Variants in MOK observed in about 807,000 individuals in gnomAD.
The protein encoded by MOK is MOK protein kinase.
Under a neutral mutation model 54.2 loss-of-function variants are expected in MOK, and 59 were observed. That is an observed-to-expected ratio of 1.09 (90% CI 0.88 to 1.35). The LOEUF is 1.35. Among genes scored for constraint, MOK ranks in the 40% most tolerant of loss-of-function variants. The pLI, the probability that MOK is intolerant of heterozygous loss-of-function variation, is 0.00. For synonymous variants in MOK, 210 were observed against 202.7 expected, an observed-to-expected ratio of 1.04 and a Z score of -0.31; for missense variants, 517 against 526.2, an observed-to-expected ratio of 0.98 and a Z score of 0.17.
intron 1 of MOK, among the ~76,000 whole-genome samples, chr14:102,296,732 C>T (rs1413322911): frequency 1.3e-5 from 2 of 152,028 alleles, no homozygotes; most frequent in Non-Finnish European, 2.9e-5. Context: ...CCAGTCTAGG[C>T]AACATGGTGA....
downstream of MOK, chr14:102,224,809 A>G (rs981183162): frequency 3.1e-5 from 14 of 455,956 alleles, no homozygotes; most frequent in Admixed American, 3.3e-4. Context: ...AAAGAGAAAT[A>G]ATAAAAGACA....
At chr14:102,253,195 T>C (rs955636858) in intron 4 of MOK, among the ~76,000 whole-genome samples, 6 of 152,236 alleles carry the variant, frequency 3.9e-5, no homozygotes, top group Admixed American at 6.5e-5. Flanking sequence ...AGTGGAAATG[T>C]AGTAATTGTA....
intron 4 of MOK, among the ~76,000 whole-genome samples, chr14:102,262,348 T>A (rs534776783): frequency 6.6e-6 from 1 of 152,216 alleles, no homozygotes. Flanking sequence ...AGACAGGGTT[T>A]CACCTTGTTA....
At chr14:102,275,853 G>C (rs903648462) in intron 2 of MOK, among the ~76,000 whole-genome samples, 77 of 152,192 alleles carry the variant, frequency 5.1e-4, no homozygotes, top group African/African-American at 1.8e-3. Flanking sequence ...CTTCTATACA[G>C]AATATATAAA....
intron 2 of MOK, among the ~76,000 whole-genome samples, chr14:102,274,076 GCCT>G (rs1179704912): frequency 2.0e-5 from 3 of 151,734 alleles, no homozygotes; most frequent in African/African-American, 7.3e-5. Context: ...TCCTGCCTCA[GCCT>G]CCTGAGTAGC....
At chr14:102,290,807 G>A (rs990205330) in intron 1 of MOK, among the ~76,000 whole-genome samples, 13 of 152,030 alleles carry the variant, frequency 8.6e-5, no homozygotes, top group Non-Finnish European at 7.4e-5. Flanking sequence ...AGTTAAATAC[G>A]GCAAAATGTG....
At position 102,229,302 on chromosome 14, in the gene MOK, T is replaced by C. The variant is rs771365640; in HGVS notation, c.1247A>G (p.Lys416Arg). ...QQCRLPTIVR[K>R]GGR Reference sequence around the variant, plus strand: ...GGTGCTGCTCAGTTATCTTCCGCCTTTCCGCACTATGGTGGGCAGGCGACA... The same window carrying C: ...GGTGCTGCTCAGTTATCTTCCGCCTCTCCGCACTATGGTGGGCAGGCGACA... The change falls in exon 12 of 12, where the codon AAA becomes AGA. Residue 416 changes from lysine (K) to arginine (R), a missense_variant. Lys to Arg is a conservative substitution (Grantham distance 26, BLOSUM62 2). Coordinates refer to ENST00000361847, the MANE Select transcript of MOK (RefSeq NM_014226.3). 1.2e-6 allele frequency: 2 copies of C among 1,607,192 alleles called. No individual in the cohort carries two copies. The highest frequency in any genetic ancestry group is 1.1e-5 in the South Asian group (1 of 90,248).
chr14:102,304,150 C>T (rs1004356794), intron 1 of MOK, among the ~76,000 whole-genome samples: 3 of 152,290 alleles, frequency 2.0e-5, no homozygotes, highest in Admixed American at 2.0e-4. Context: ...ACACCATTGA[C>T]AATTAGGATA....
downstream of MOK, among the ~76,000 whole-genome samples, chr14:102,227,923 C>T (rs968926480): frequency 3.3e-5 from 5 of 152,218 alleles, no homozygotes; most frequent in African/African-American, 1.2e-4. Flanking sequence ...ACACTACTAG[C>T]CTGGGAAATT....
In MOK at chr14:102,263,595, A is replaced by G. The variant is rs2067655214; in HGVS notation, c.234T>C (p.Leu78=). Residue 78 remains leucine (L), a synonymous_variant, in exon 4 of 12, where the codon CTT becomes CTC. Coordinates refer to ENST00000361847, the MANE Select transcript of MOK (RefSeq NM_014226.3). ...EVVFDRKSGS[L]ALICELMDMN... ...TGTCCATAAGTTCACATATTAGTGC[A>G]AGAGAACCAGATTTTCTGTCACTGA... The G allele has an allele frequency of 1.7e-5, 28 of 1,606,054 alleles. No individual in the cohort carries two copies. The highest frequency in any genetic ancestry group is 2.4e-5 in the Non-Finnish European group (28 of 1,177,226).
At chr14:102,261,418 AAT>A (rs1197835093) in intron 4 of MOK, among the ~76,000 whole-genome samples, 3,660 of 42,682 alleles carry the variant, frequency 0.086, 140 homozygotes, top group Non-Finnish European at 0.093. Context: ...AAAAAAAAAA[AAT>A]ATATATATAT....
At chr14:102,281,928 T>C (rs1026441380) in intron 2 of MOK, among the ~76,000 whole-genome samples, 2 of 152,202 alleles carry the variant, frequency 1.3e-5, no homozygotes, top group African/African-American at 4.8e-5. Flanking sequence ...TTCCTAGTGG[T>C]AGGTAAACTA....
chr14:102,287,960 G>T (rs913850840), intron 1 of MOK, among the ~76,000 whole-genome samples: 1 of 150,646 alleles, frequency 6.6e-6, no homozygotes, highest in Admixed American at 6.7e-5. Context: ...TCAGCCTCCC[G>T]AGTAGCTGGG....
At chr14:102,221,220 C>T (rs111333959), downstream of MOK, among the ~76,000 whole-genome samples, 5 of 152,342 alleles carry the variant, frequency 3.3e-5, no homozygotes, top group African/African-American at 4.8e-5. This position sits in a 1 kb window ranked among gnomAD's most constrained non-coding sequence, Gnocchi z 4.8. Context: ...GGCCCCTCTC[C>T]GTCTGTCCCC....
intron 3 of MOK, chr14:102,264,444 T>G (rs916635541): frequency 6.6e-6 from 1 of 152,028 alleles, no homozygotes; most frequent in African/African-American, 2.4e-5. Flanking sequence ...GCCACCAACT[T>G]CTGAGTTCAA....
chr14:102,279,959 C>A (rs2069247041), intron 2 of MOK, among the ~76,000 whole-genome samples: 2 of 151,986 alleles, frequency 1.3e-5, no homozygotes, highest in South Asian at 4.2e-4. Context: ...ATACCAACCT[C>A]ATGCTGCCCA....
At position 102,232,861 on chromosome 14, in the gene MOK, G is replaced by C. The variant is rs1256813368; in HGVS notation, c.693-153C>G. 18 of 605,932 alleles carry C rather than the reference G, an allele frequency of 3.0e-5. No homozygotes were observed. Among genetic ancestry groups the C allele is most frequent in the Non-Finnish European group, 2.8e-6 (1 of 354,196 alleles). The allele number at this position is 605,932 out of a possible 1,614,324, so 37.5% of individuals were successfully genotyped here. ...GCCCACAGAACGTGCACCACCAAGA[G>C]GGACCCCTGATGTAAATGATGGGCT... On this transcript the variant is annotated intron_variant, in intron 8 of 11. Coordinates refer to ENST00000361847, the MANE Select transcript of MOK (RefSeq NM_014226.3). The surrounding 1 kb of genome is among the most constrained non-coding windows in gnomAD (Gnocchi z 5.1).
chr14:102,300,317 C>CT (rs1392626470), intron 1 of MOK, among the ~76,000 whole-genome samples: 5 of 119,524 alleles, frequency 4.2e-5, no homozygotes, highest in African/African-American at 6.5e-5. Flanking sequence ...GGGCAAAACT[C>CT]TATCTCAAAA....
chr14:102,258,609 C>T (rs1033802884), intron 4 of MOK, among the ~76,000 whole-genome samples: 6 of 152,222 alleles, frequency 3.9e-5, no homozygotes, highest in African/African-American at 1.4e-4. Context: ...GGGACATCCT[C>T]TCCCGCACCT....
Sources: allele counts gnomAD v4.1 joint callset (sites outside exome capture counted in the v4.1 genomes callset), GRCh38; gene constraint gnomAD v4.1.1; non-coding constraint Gnocchi (gnomAD v3.1); transcripts MANE v1.5; gene names NCBI Gene and HGNC (gene_info 2026-07-23, HGNC 2026-07-21).